The following RFXAP variants were observed in gnomAD, a reference collection of about 807,000 sequenced individuals.
The protein encoded by RFXAP is regulatory factor X associated protein.
In RFXAP, 21 loss-of-function variants were observed where a neutral mutation model predicts 25.7. That is an observed-to-expected ratio of 0.82 (90% confidence interval 0.58 to 1.18). RFXAP has a LOEUF of 1.18. RFXAP is among the 50% of genes most tolerant of loss of function. RFXAP has a pLI of 0.00. For missense variants in RFXAP, 333 were observed against 363.0 expected, an observed-to-expected ratio of 0.92 and a Z score of 0.67; for synonymous variants, 161 against 152.2, an observed-to-expected ratio of 1.06 and a Z score of -0.43.
At chr13:36,825,343 C>G (rs1415700728) in intron 1 of RFXAP, 85 bp from the exon 2 acceptor site, 4 of 1,010,914 alleles carry the variant, frequency 4.0e-6, no homozygotes, top group Non-Finnish European at 6.1e-6. Flanking sequence ...ATGCAAAGAC[C>G]TGTTCATTAC....
Position 36,819,235 on chromosome 13 carries a change from G to A in RFXAP, c.-123G>A, listed in dbSNP as rs1430061941. ...CTGCGGTCGCGCAGGCGCAGTCGGG[G>A]CGCCTTCCCGGTATAGGCGCCTTTT... On this transcript the variant is annotated 5_prime_UTR_variant, in exon 1 of 3. Transcript: ENST00000255476. 2.9e-6 allele frequency: 3 copies of A among 1,034,652 alleles called. No individual in the cohort carries two copies. Among genetic ancestry groups the A allele is most frequent in the Non-Finnish European group, 2.5e-6 (2 of 814,508 alleles). 64.1% of individuals were successfully genotyped at this position (1,034,652 alleles called of 1,614,324 possible).
In RFXAP at chr13:36,819,656, G is replaced by T. The variant is rs762090260; in HGVS notation, c.299G>T (p.Gly100Val). 3 of 1,548,990 alleles carry T rather than the reference G, an allele frequency of 1.9e-6. No individual in the cohort carries two copies. In the South Asian group the frequency reaches 3.6e-5, roughly 18 times the overall value. The change falls in exon 1 of 3, where the codon GGG (glycine) becomes GTG (valine). Residue 100 changes from glycine (G) to valine (V), a missense_variant. By Grantham distance (109) the Gly-to-Val change is moderately radical. Coordinates refer to ENST00000255476, the MANE Select transcript of RFXAP (RefSeq NM_000538.4). ...CTGTTAGACACTTCGGACCCTCCGGGGGGAGGCGAGAGCGCGGCTAGTTTG... is the reference window on the plus strand; with the variant it reads ...CTGTTAGACACTTCGGACCCTCCGGTGGGAGGCGAGAGCGCGGCTAGTTTG... Reference protein sequence around the residue: ...ADLLDTSDPPGGGESAASLED... With the variant: ...ADLLDTSDPPVGGESAASLED...
chr13:36,825,654 C>A, intron 2 of RFXAP, 119 bp downstream of exon 2: 2 of 597,348 alleles, frequency 3.3e-6, no homozygotes, highest in South Asian at 2.2e-5. Flanking sequence ...AAAATAAATT[C>A]CTAATAAGTC....
intron 1 of RFXAP, among the ~76,000 whole-genome samples, chr13:36,824,784 T>G (rs1377805893): frequency 6.6e-6 from 1 of 152,210 alleles, no homozygotes; most frequent in African/African-American, 2.4e-5. Context: ...GGTATCATTT[T>G]AGGACTTACC....
In RFXAP at chr13:36,828,877, A is replaced by C. The variant is rs1177783693; in HGVS notation, c.*1124A>C. The stretch of plus-strand genomic sequence containing the variant: ...ATTAAATGTCAAGAGAGTATATCCA[A>C]TATTAGGATATAAATGTATGTGTCT... On this transcript the variant is annotated 3_prime_UTR_variant, in exon 3 of 3. Coordinates refer to ENST00000255476, the MANE Select transcript of RFXAP (RefSeq NM_000538.4). The C allele has an allele frequency of 6.6e-6, 1 of 152,240 alleles. No homozygotes were observed. The highest frequency in any genetic ancestry group is 1.5e-5 in the Non-Finnish European group (1 of 68,036). The allele number at this position is 152,240 out of a possible 1,614,324, so 9.4% of individuals were successfully genotyped here. A position where few individuals can be genotyped will look rare whatever the true frequency, so the allele number is the denominator to read the frequency against.
intron 1 of RFXAP, among the ~76,000 whole-genome samples, chr13:36,820,707 T>G (rs1474692547): frequency 6.6e-6 from 1 of 152,224 alleles, no homozygotes; most frequent in Non-Finnish European, 1.5e-5. Flanking sequence ...AACTTTTGGA[T>G]TGTTTGATTT....
chr13:36,820,664 A>T (rs369155711), intron 1 of RFXAP, among the ~76,000 whole-genome samples: 2 of 152,208 alleles, frequency 1.3e-5, no homozygotes, highest in East Asian at 3.8e-4. Context: ...GAGGGGGGAA[A>T]AAAAGGATGA....
chr13:36,819,323 C>G lies in RFXAP; in HGVS notation c.-35C>G. On this transcript the variant is annotated 5_prime_UTR_variant, in exon 1 of 3. Coordinates refer to ENST00000255476, the MANE Select transcript of RFXAP (RefSeq NM_000538.4). ...CGTTAGGCCAAGCAGGTGCTAAAAG[C>G]CCGGGGTCGTGGACCCCGGCCAGGT... 8.0e-7 allele frequency: 1 copy of G among 1,251,006 alleles called. No homozygotes were observed. The allele number at this position is 1,251,006 out of a possible 1,614,324, so 77.5% of individuals were successfully genotyped here. A position where few individuals can be genotyped will look rare whatever the true frequency, so the allele number is the denominator to read the frequency against.
At chr13:36,822,040 C>T (rs2057964460) in intron 1 of RFXAP, among the ~76,000 whole-genome samples, 1 of 151,998 alleles carries the variant, frequency 6.6e-6, no homozygotes, top group South Asian at 2.1e-4. Context: ...TCCACAGGTG[C>T]CCATTCACTT....
Position 36,819,473 on chromosome 13 carries a change from C to A in RFXAP, c.116C>A (p.Ala39Asp). The change falls in exon 1 of 3, where the codon GCC becomes GAC. Residue 39 changes from alanine (A) to aspartate (D), a missense_variant. Physicochemically the swap from Ala to Asp is moderately radical, Grantham distance 126 (BLOSUM62 -2). Coordinates refer to ENST00000255476, the MANE Select transcript of RFXAP (RefSeq NM_000538.4). ...ACCTTGGCGCCAGCCTCGGTGGCGG[C>A]CGCGGCCTCTCAATTCACCCTGCTA... ...APTLAPASVA[A>D]AASQFTLLVM... The A allele has an allele frequency of 6.6e-7, 1 of 1,519,868 alleles. No individual in the cohort carries two copies. Among genetic ancestry groups the A allele is most frequent in the Non-Finnish European group, 8.8e-7 (1 of 1,133,404 alleles). The allele number at this position is 1,519,868 out of a possible 1,614,324, so 94.1% of individuals were successfully genotyped here.
rs749721411 is a variant in RFXAP, at chr13:36,825,486, G to A, written c.659G>A (p.Arg220His). 3.1e-6 allele frequency: 5 copies of A among 1,612,784 alleles called. No individual in the cohort carries two copies. The highest frequency in any genetic ancestry group is 1.1e-5 in the South Asian group (1 of 91,066). ...VKQRTGSFGD[R>H]PARPTLLEQV... ...CAAAGAACAGGATCTTTTGGGGATC[G>A]TCCTGCAAGACCTACTCTTTTAGAA... Residue 220 changes from arginine (R) to histidine (H), a missense_variant, in exon 2 of 3, where the codon CGT becomes CAT. Physicochemically the swap from Arg to His is conservative, Grantham distance 29. Transcript: ENST00000255476.
intron 1 of RFXAP, among the ~76,000 whole-genome samples, chr13:36,823,556 G>C (rs898903264): frequency 6.6e-6 from 1 of 152,162 alleles, no homozygotes; most frequent in African/African-American, 2.4e-5. Context: ...CTCTTTCGAA[G>C]ATTATTATAG....
rs1430824657 is a variant in RFXAP, at chr13:36,819,260, T to C, written c.-98T>C. On this transcript the variant is annotated 5_prime_UTR_variant, in exon 1 of 3. Coordinates refer to ENST00000255476, the MANE Select transcript of RFXAP (RefSeq NM_000538.4). ...GCGCCTTCCCGGTATAGGCGCCTTT[T>C]ACCCCAGCGTGTCCTGAGTCTTTGG... 3 of 1,178,458 alleles carry C rather than the reference T, an allele frequency of 2.5e-6. No homozygotes were observed. The highest frequency in any genetic ancestry group is 4.4e-5 in the Admixed American group (1 of 22,980). The allele number at this position is 1,178,458 out of a possible 1,614,324, so 73.0% of individuals were successfully genotyped here. A position where few individuals can be genotyped will look rare whatever the true frequency, so the allele number is the denominator to read the frequency against.
At position 36,821,256 on chromosome 13, in the gene RFXAP, CAAGCTGTCTTAGGGTCCT is replaced by C. The variant is rs2057961683; in HGVS notation, c.600+1301_600+1318del. ...AAAAAAAAAAAATTTTTTTTAACTG[CAAGCTGTCTTAGGGTCCT>C]AGGATGTATTCTAAGTCTTTAAATT... On this transcript the variant is annotated intron_variant, in intron 1 of 2. Transcript: ENST00000255476. Among the ~76,000 whole-genome samples, 8 of 147,954 alleles carry C rather than the reference CAAGCTGTCTTAGGGTCCT, an allele frequency of 5.4e-5. No homozygotes were observed. The Admixed American group carries it at 5.4e-4, about 10-fold the overall frequency.
chr13:36,826,752 C>T (rs2057979127), intron 2 of RFXAP, among the ~76,000 whole-genome samples: 1 of 152,208 alleles, frequency 6.6e-6, no homozygotes, highest in Non-Finnish European at 1.5e-5. Context: ...AGATATAATA[C>T]ATATAATCTG....
chr13:36,822,362 A>G (rs928949830), intron 1 of RFXAP, among the ~76,000 whole-genome samples: 2 of 151,828 alleles, frequency 1.3e-5, no homozygotes, highest in Admixed American at 1.3e-4. Flanking sequence ...ATTACGGGTG[A>G]GACCCACCAC....
intron 2 of RFXAP, among the ~76,000 whole-genome samples, chr13:36,826,037 A>G (rs1381955271): frequency 2.6e-5 from 4 of 152,082 alleles, no homozygotes; most frequent in Admixed American, 1.3e-4. Context: ...GCCGAGTGTG[A>G]TGGTATGTAG....
At position 36,828,644 on chromosome 13, in the gene RFXAP, GA is replaced by G. The variant is rs1253240950; in HGVS notation, c.*896del. 1 of 152,066 alleles carries G rather than the reference GA, an allele frequency of 6.6e-6. No individual in the cohort carries two copies. The highest frequency in any genetic ancestry group is 1.5e-5 in the Non-Finnish European group (1 of 67,994). 9.4% of individuals were successfully genotyped at this position (152,066 alleles called of 1,614,324 possible). A position where few individuals can be genotyped will look rare whatever the true frequency, so the allele number is the denominator to read the frequency against. ...ATACTTATTTTTTATTAAACAAAAT[GA>G]AAAAGATCCTTTTCAAAAAGGTGAT... On this transcript the variant is annotated 3_prime_UTR_variant, in exon 3 of 3. Coordinates refer to ENST00000255476, the MANE Select transcript of RFXAP (RefSeq NM_000538.4).
In RFXAP at chr13:36,827,871, G is replaced by A. The variant is rs1383103892; in HGVS notation, c.*118G>A. 6.4e-6 allele frequency: 5 copies of A among 779,700 alleles called. No individual in the cohort carries two copies. Among genetic ancestry groups the A allele is most frequent in the Non-Finnish European group, 6.5e-6 (3 of 458,394 alleles). 48.3% of individuals were successfully genotyped at this position (779,700 alleles called of 1,614,324 possible). On this transcript the variant is annotated 3_prime_UTR_variant, in exon 3 of 3. Coordinates refer to ENST00000255476, the MANE Select transcript of RFXAP (RefSeq NM_000538.4). ...GCCTGTAGAACATAAACATTTTCCT[G>A]TAAATGTATGTGTGCATTTGGGGAT... is the stretch of plus-strand genomic sequence containing the variant.
Sources: allele counts gnomAD v4.1 joint callset (sites outside exome capture counted in the v4.1 genomes callset), GRCh38; gene constraint gnomAD v4.1.1; transcripts MANE v1.5; gene names NCBI Gene and HGNC (gene_info 2026-07-23, HGNC 2026-07-21).